Variants in ABRAXAS1 observed in about 807,000 individuals in gnomAD.
ABRAXAS1 encodes abraxas 1, BRCA1 A complex subunit.
ABRAXAS1 carries 26 observed loss-of-function variants against 38.4 expected under a neutral mutation model. That is an observed-to-expected ratio of 0.68 (90% confidence interval 0.50 to 0.94). The LOEUF (loss-of-function observed/expected upper bound fraction) is 0.94, where lower values mean the gene tolerates loss of function less well. ABRAXAS1 is among the 40% of genes least tolerant of loss of function. The probability of loss-of-function intolerance (pLI) is 0.00; values close to 1 mark genes in which losing one functional copy is unlikely to be tolerated. For synonymous variants in ABRAXAS1, 144 were observed against 165.5 expected (o/e 0.87, Z 1.00); for missense variants, 438 against 481.9 (o/e 0.91, Z 0.85).
Position 83,460,944 on chromosome 4 carries a change from T to A in ABRAXAS1, c.*1525A>T, listed in dbSNP as rs1238862151. 1 of 1,577,066 alleles carries A rather than the reference T, an allele frequency of 6.3e-7. No individual in the cohort carries two copies. The highest frequency in any genetic ancestry group is 8.6e-7 in the Non-Finnish European group (1 of 1,165,564). Reference sequence around the variant, plus strand: ...GCAAACTTTAAATATTGACATTTTTTATGAATAAGAAAGCTTTTTATTTTA... The same window carrying A: ...GCAAACTTTAAATATTGACATTTTTAATGAATAAGAAAGCTTTTTATTTTA... On this transcript the variant is annotated 3_prime_UTR_variant, in exon 9 of 9. Coordinates refer to ENST00000321945, the MANE Select transcript of ABRAXAS1 (RefSeq NM_139076.3).
chr4:83,475,225 T>C (rs1560576984), intron 3 of ABRAXAS1, among the ~76,000 whole-genome samples: 2 of 152,196 alleles, frequency 1.3e-5, no homozygotes, highest in African/African-American at 4.8e-5. Flanking sequence ...CCACTAAGAA[T>C]TCCTCAGTCA....
At chr4:83,483,938 C>A in intron 1 of ABRAXAS1, 1 of 755,724 alleles carries the variant, frequency 1.3e-6, no homozygotes, top group Non-Finnish European at 1.6e-6. Flanking sequence ...TATATTTGTT[C>A]TTTATTAGGT....
intron 2 of ABRAXAS1, chr4:83,477,585 A>G (rs1051480508): frequency 4.1e-6 from 2 of 489,910 alleles, no homozygotes; most frequent in Non-Finnish European, 8.0e-6. Context: ...TTTGTATATG[A>G]CGCCTTGCCT....
chr4:83,474,712 C>CA (rs34119977), intron 3 of ABRAXAS1, among the ~76,000 whole-genome samples: 22,387 of 100,388 alleles, frequency 0.22, 3,751 homozygotes, highest in African/African-American at 0.5. Flanking sequence ...GACTCTGTCT[C>CA]AAAAAAAAAA....
rs1721999322 is a variant in ABRAXAS1, at chr4:83,459,565, A to G, written c.*2904T>C. ...TATATATAGACTTGACACACTGGATAGAAAATATTTAAAAGGTAACAGGAG... is the reference window on the plus strand; with the variant it reads ...TATATATAGACTTGACACACTGGATGGAAAATATTTAAAAGGTAACAGGAG... On this transcript the variant is annotated 3_prime_UTR_variant, in exon 9 of 9. Transcript: ENST00000321945. 16 of 571,992 alleles carry G rather than the reference A, an allele frequency of 2.8e-5. 1 individual carries two copies. In the South Asian group the frequency reaches 3.6e-4, roughly 13 times the overall value. 35.4% of individuals were successfully genotyped at this position (571,992 alleles called of 1,614,324 possible). A position where few individuals can be genotyped will look rare whatever the true frequency, so the allele number is the denominator to read the frequency against.
chr4:83,475,779 C>G (rs1437564623), intron 3 of ABRAXAS1, among the ~76,000 whole-genome samples: 5 of 152,118 alleles, frequency 3.3e-5, no homozygotes, highest in African/African-American at 1.2e-4. Context: ...TATTTGTGTA[C>G]TTTTCTACGT....
chr4:83,480,732 A>ATACT (rs1191098576), intron 2 of ABRAXAS1, among the ~76,000 whole-genome samples: 19 of 152,216 alleles, frequency 1.2e-4, no homozygotes, highest in Admixed American at 3.9e-4. Context: ...TCACTGTAGT[A>ATACT]TACTTTATGA....
At chr4:83,483,654 C>A (rs1015833035) in intron 1 of ABRAXAS1, among the ~76,000 whole-genome samples, 1 of 151,880 alleles carries the variant, frequency 6.6e-6, no homozygotes, top group African/African-American at 2.4e-5. Flanking sequence ...TGGAATCACG[C>A]GGGGGGATAT....
At chr4:83,473,576 C>T (rs547581399) in intron 3 of ABRAXAS1, among the ~76,000 whole-genome samples, 23 of 152,038 alleles carry the variant, frequency 1.5e-4, no homozygotes, top group South Asian at 2.1e-4. Flanking sequence ...TTTTGAGACA[C>T]GGTCTCGCTC....
At chr4:83,480,504 A>G (rs1178948312) in intron 2 of ABRAXAS1, 1 of 217,678 alleles carries the variant, frequency 4.6e-6, no homozygotes, top group Non-Finnish European at 9.5e-6. Flanking sequence ...ATGAGAGTTT[A>G]AATTTTTTAT....
At chr4:83,473,649 A>C (rs1722662257) in intron 3 of ABRAXAS1, among the ~76,000 whole-genome samples, 1 of 151,786 alleles carries the variant, frequency 6.6e-6, no homozygotes, top group Admixed American at 6.6e-5. Context: ...CCTCCCTAGT[A>C]ATGGGGACTA....
intron 3 of ABRAXAS1, among the ~76,000 whole-genome samples, chr4:83,474,588 A>G (rs1722700661): frequency 6.6e-6 from 1 of 151,932 alleles, no homozygotes; most frequent in African/African-American, 2.4e-5. Context: ...GGTGGCACCC[A>G]TCTGGAGTCC....
At chr4:83,467,348 CTG>C (rs1317826250) in intron 7 of ABRAXAS1, 104 bp downstream of exon 7, 18 of 707,918 alleles carry the variant, frequency 2.5e-5, no homozygotes, top group Middle Eastern at 2.9e-4. Context: ...CAACTCATAA[CTG>C]TATAAATCTA....
chr4:83,474,120 G>A (rs1036995928), intron 3 of ABRAXAS1, among the ~76,000 whole-genome samples: 25 of 150,010 alleles, frequency 1.7e-4, no homozygotes, highest in African/African-American at 5.9e-4. Flanking sequence ...TCCAGCCTGG[G>A]CAACAGAGTG....
intron 6 of ABRAXAS1, among the ~76,000 whole-genome samples, chr4:83,468,128 C>A (rs1043174587): frequency 1.3e-5 from 2 of 151,762 alleles, no homozygotes; most frequent in South Asian, 4.2e-4. Flanking sequence ...CATGGAGAAA[C>A]CCCGTCTCTA....
chr4:83,482,738 G>A (rs72932953), intron 1 of ABRAXAS1, among the ~76,000 whole-genome samples: 9,972 of 152,032 alleles, frequency 0.066, 1,090 homozygotes, highest in African/African-American at 0.23. Context: ...AAGGGAAAGA[G>A]ATTAGTCTAG....
Position 83,472,288 on chromosome 4 carries a change from G to C in ABRAXAS1, c.216C>G (p.Ser72Arg), listed in dbSNP as rs202005890. The C allele has an allele frequency of 2.0e-6, 3 of 1,498,676 alleles. No individual in the cohort carries two copies. The African/African-American group carries it at 4.3e-5, about 21-fold the overall frequency. The allele number at this position is 1,498,676 out of a possible 1,614,324, so 92.8% of individuals were successfully genotyped here. Reference sequence around the variant, plus strand: ...TTACTTCGCCTGAAGAATTATAAAAGCTGTAAAAGCCAAAATTAAAGGTAT... The same window carrying C: ...TTACTTCGCCTGAAGAATTATAAAACCTGTAAAAGCCAAAATTAAAGGTAT... ...QKYIPCYQLF[S>R]FYNSSGEVNE... The change falls in exon 4 of 9, where the codon AGC becomes AGG. Residue 72 changes from serine to arginine, a missense_variant and splice_region_variant. By Grantham distance (110) the Ser-to-Arg change is moderately radical. This residue lies in a region of ABRAXAS1 where 194 missense variants were observed against 269.0 expected (regional missense o/e 0.72). Coordinates refer to ENST00000321945, the MANE Select transcript of ABRAXAS1 (RefSeq NM_139076.3).
intron 7 of ABRAXAS1, among the ~76,000 whole-genome samples, chr4:83,464,704 T>TGGC (rs1722282632): frequency 6.6e-6 from 1 of 152,214 alleles, no homozygotes; most frequent in Non-Finnish European, 1.5e-5. Flanking sequence ...GATTCTTGCC[T>TGGC]GGCAATCTGG....
At chr4:83,478,954 C>T (rs1034309848) in intron 2 of ABRAXAS1, 1 of 152,054 alleles carries the variant, frequency 6.6e-6, no homozygotes, top group African/African-American at 2.4e-5. Flanking sequence ...AAAGAATAGG[C>T]CTATCCTTTT....
Sources: gnomAD v4.1 joint callset for allele counts (sites outside exome capture counted in the v4.1 genomes callset) on GRCh38, gnomAD v4.1.1 for gene constraint, gnomAD v4.1.1 regional missense constraint, MANE v1.5 for transcripts, NCBI Gene and HGNC (gene_info 2026-07-23, HGNC 2026-07-21) for gene names.